Variants in VASH2 observed in about 807,000 individuals in gnomAD.
VASH2 encodes vasohibin 2, also known as tubulinyl-Tyr carboxypeptidase 2.
VASH2 carries 28 observed loss-of-function variants against 37.2 expected under a neutral mutation model. The observed-to-expected ratio is 0.75, with a 90% CI of 0.56 to 1.03. The LOEUF is 1.03. Among genes scored for constraint, VASH2 ranks in the 50% least tolerant of loss-of-function variants. VASH2 has a pLI of 0.00. For synonymous variants in VASH2, 188 were observed against 174.7 expected, an observed-to-expected ratio of 1.08 and a Z score of -0.60; for missense variants, 419 against 459.1, an observed-to-expected ratio of 0.91 and a Z score of 0.80.
Position 212,951,548 on chromosome 1 carries a change from C to G in VASH2, c.6C>G (p.Thr2=). M[T]GSAADTHRCP... ...CTCCCCGCCCAGGCCCCACCATGACCGGCTCCGCGGCCGACACTCACCGCT... is the reference window on the plus strand; with the variant it reads ...CTCCCCGCCCAGGCCCCACCATGACGGGCTCCGCGGCCGACACTCACCGCT... The change falls in exon 2 of 8, where the codon ACC becomes ACG. Residue 2 remains threonine (T), a synonymous_variant. Transcript: ENST00000517399. This position sits in a 1 kb window ranked among gnomAD's most constrained non-coding sequence, Gnocchi z 4.4. 6.6e-7 allele frequency: 1 copy of G among 1,515,298 alleles called. No individual in the cohort carries two copies. The allele number at this position is 1,515,298 out of a possible 1,614,324, so 93.9% of individuals were successfully genotyped here.
intron 6 of VASH2, chr1:212,973,299 T>G (rs1039600812): frequency 1.3e-5 from 14 of 1,067,792 alleles, no homozygotes; most frequent in Non-Finnish European, 1.5e-5. Flanking sequence ...ACATGAGATT[T>G]TCAGTATTAA....
chr1:212,979,306 C>G (rs531697061), intron 7 of VASH2, among the ~76,000 whole-genome samples: 1 of 152,340 alleles, frequency 6.6e-6, no homozygotes, highest in Non-Finnish European at 1.5e-5. Context: ...GACCCAATCA[C>G]TCCACAAACT....
rs1019948322 is a variant in VASH2 at position 212,973,955 on chromosome 1, A to G, written c.880A>G (p.Ile294Val). The G allele has an allele frequency of 3.7e-6, 6 of 1,613,350 alleles. No homozygotes were observed. Among genetic ancestry groups the G allele is most frequent in the Non-Finnish European group, 5.1e-6 (6 of 1,179,716 alleles). ...EKYARDMRMK[I>V]LKPASAHSPT... is the part of the protein sequence containing the mutation. ...GATTAACTCCTCACATCTCCTTCAG[A>G]TCCTGAAACCTGCAAGTGCCCACTC... Residue 294 changes from isoleucine to valine, a missense_variant and splice_region_variant, in exon 7 of 8, where the codon ATC (isoleucine) becomes GTC (valine). Coordinates refer to ENST00000517399, the MANE Select transcript of VASH2 (RefSeq NM_001301056.2).
intron 7 of VASH2, among the ~76,000 whole-genome samples, chr1:212,986,066 G>T (rs1667467893): frequency 6.6e-6 from 1 of 152,126 alleles, no homozygotes; most frequent in Admixed American, 6.5e-5. Flanking sequence ...AATCAGTTAT[G>T]AAAATCTAAT....
chr1:212,985,956 TA>T, intron 7 of VASH2, among the ~76,000 whole-genome samples: 1 of 152,250 alleles, frequency 6.6e-6, no homozygotes, highest in South Asian at 2.1e-4. Context: ...TGTACCTAAC[TA>T]AAAATCAGGG....
chr1:212,958,542 G>T (rs985445664), intron 2 of VASH2, among the ~76,000 whole-genome samples: 1 of 152,132 alleles, frequency 6.6e-6, no homozygotes, highest in African/African-American at 2.4e-5. Context: ...ATAATTTGGT[G>T]GTCAGTCCTT....
intron 2 of VASH2, among the ~76,000 whole-genome samples, chr1:212,956,324 C>T (rs1030432394): frequency 6.6e-6 from 1 of 151,872 alleles, no homozygotes; most frequent in African/African-American, 2.4e-5. Context: ...ACTCCCTCCT[C>T]CTGCCCCCTA....
In VASH2 at chr1:212,951,749, C is replaced by T. The variant is rs1466358524; in HGVS notation, c.207C>T (p.His69=). 3.1e-6 allele frequency: 5 copies of T among 1,608,288 alleles called. No homozygotes were observed. The highest frequency in any genetic ancestry group is 1.7e-5 in the Admixed American group (1 of 59,054). Residue 69 remains histidine, a synonymous_variant, in exon 2 of 8, where the codon CAC becomes CAT. Coordinates refer to ENST00000517399, the MANE Select transcript of VASH2 (RefSeq NM_001301056.2). The surrounding 1 kb of genome is among the most constrained non-coding windows in gnomAD (Gnocchi z 4.4). ...DSHTWERMWM[H]VAKVHPKGGE... The stretch of plus-strand genomic sequence containing the variant: ...ACACCTGGGAGCGCATGTGGATGCA[C>T]GTGGCCAAGGTGCACCCTAAGGGGG...
intron 7 of VASH2, among the ~76,000 whole-genome samples, chr1:212,975,375 G>T (rs971343863): frequency 3.2e-4 from 48 of 152,234 alleles, no homozygotes; most frequent in African/African-American, 1.1e-3. Flanking sequence ...GAGGGTGTGA[G>T]GTGTGAAGCA....
intron 6 of VASH2, chr1:212,973,367 T>C: frequency 7.8e-7 from 1 of 1,286,608 alleles, no homozygotes; most frequent in Non-Finnish European, 1.0e-6. Flanking sequence ...GTCCCTCTTC[T>C]CTCTCTCAGT....
At chr1:212,966,155 C>T in intron 4 of VASH2, 116 bp from the exon 5 acceptor site, 1 of 870,014 alleles carries the variant, frequency 1.1e-6, no homozygotes, top group Non-Finnish European at 1.8e-6. Context: ...CTCCCTTTTC[C>T]CTCCGTGCTC....
At chr1:212,985,198 C>CTTTTTT (rs55804989) in intron 7 of VASH2, among the ~76,000 whole-genome samples, 41 of 100,816 alleles carry the variant, frequency 4.1e-4, no homozygotes, top group African/African-American at 5.8e-4. Context: ...ATTTTTTTTG[C>CTTTTTT]TTTTTTTTTT....
In VASH2 at chr1:212,963,820, A is replaced by C. The variant is rs562680149; in HGVS notation, c.366-1902A>C. ...TCTCATTTGTTACACTAGATGTATA[A>C]ATTAGATATGTGAGCGGAGGAAAGT... is the stretch of plus-strand genomic sequence containing the variant. On this transcript the variant is annotated intron_variant, in intron 3 of 7. Coordinates refer to ENST00000517399, the MANE Select transcript of VASH2 (RefSeq NM_001301056.2). Among the ~76,000 whole-genome samples, 5 of 152,244 alleles carry C rather than the reference A, an allele frequency of 3.3e-5. No individual in the cohort carries two copies. In the East Asian group the frequency reaches 9.6e-4, roughly 29 times the overall value.
At chr1:212,976,723 G>A (rs1667184885) in intron 7 of VASH2, among the ~76,000 whole-genome samples, 2 of 151,490 alleles carry the variant, frequency 1.3e-5, no homozygotes, top group South Asian at 2.1e-4. Flanking sequence ...TGCCGCAGCC[G>A]TGAGTGCAAA....
intron 7 of VASH2, among the ~76,000 whole-genome samples, chr1:212,979,013 A>G (rs967352228): frequency 2.6e-5 from 4 of 151,994 alleles, no homozygotes; most frequent in Non-Finnish European, 5.9e-5. Flanking sequence ...AAGAGATTGC[A>G]GGGTCTACTG....
At position 212,972,790 on chromosome 1, in the gene VASH2, C is replaced by T. The variant is rs1667047935; in HGVS notation, c.708C>T (p.Tyr236=). ...SDLIFDFEDS[Y]KKYLHTVKKV... is the part of the protein sequence containing the mutation. ...TCATCTTTGACTTTGAGGACTCTTA[C>T]AAGAAATACCTGCACACAGTCAAGA... The change falls in exon 6 of 8, where the codon TAC becomes TAT. Residue 236 remains tyrosine (Y), a synonymous_variant. Coordinates refer to ENST00000517399, the MANE Select transcript of VASH2 (RefSeq NM_001301056.2). The T allele has an allele frequency of 9.3e-6, 15 of 1,614,178 alleles. No homozygotes were observed. The highest frequency in any genetic ancestry group is 1.3e-5 in the Non-Finnish European group (15 of 1,180,034).
intron 5 of VASH2, chr1:212,967,324 AC>A (rs975618720): frequency 1.6e-6 from 2 of 1,235,370 alleles, no homozygotes; most frequent in African/African-American, 3.1e-5. Context: ...ATCACCCACA[AC>A]CCTTTGAAAT....
At chr1:212,965,624 C>T in intron 3 of VASH2, 98 bp from the exon 4 acceptor site, 1 of 1,163,652 alleles carries the variant, frequency 8.6e-7, no homozygotes, top group Non-Finnish European at 1.2e-6. Flanking sequence ...GCCCTCACAT[C>T]CTCATCTCAT....
intron 7 of VASH2, among the ~76,000 whole-genome samples, chr1:212,981,278 C>T (rs988340388): frequency 2.0e-5 from 3 of 152,240 alleles, no homozygotes; most frequent in Non-Finnish European, 4.4e-5. Flanking sequence ...GCAACATCAG[C>T]TGTCTGCCCT....
Sources: gnomAD v4.1 joint callset for allele counts (sites outside exome capture counted in the v4.1 genomes callset) on GRCh38, gnomAD v4.1.1 for gene constraint, Gnocchi (gnomAD v3.1) non-coding constraint, MANE v1.5 for transcripts, NCBI Gene and HGNC (gene_info 2026-07-23, HGNC 2026-07-21) for gene names.